CLCA2: variants seen among roughly 807,000 people sequenced by gnomAD.
The protein encoded by CLCA2 is calcium-activated chloride channel regulator 2.
Under a neutral mutation model 82.9 loss-of-function variants are expected in CLCA2, and 85 were observed. That is an observed-to-expected ratio of 1.03 (90% CI 0.86 to 1.23). CLCA2 has a LOEUF of 1.23. Ranked by LOEUF, CLCA2 falls within the 50% of genes most tolerant of loss-of-function variation. The pLI is 0.00. For missense variants in CLCA2, 1,089 were observed against 1,124.8 expected (o/e 0.97, Z 0.45); for synonymous variants, 421 against 391.7 (o/e 1.07, Z -0.88).
intron 5 of CLCA2, among the ~76,000 whole-genome samples, chr1:86,433,013 C>G (rs188242790): frequency 2.0e-5 from 3 of 152,300 alleles, no homozygotes; most frequent in South Asian, 4.1e-4. Flanking sequence ...TGTCAATATT[C>G]CATGCTAACT....
At chr1:86,434,424 C>CA in intron 5 of CLCA2, 94 bp from the exon 6 acceptor site, 1 of 971,656 alleles carries the variant, frequency 1.0e-6, no homozygotes, top group Non-Finnish European at 1.5e-6. Flanking sequence ...TCTTTCAGTT[C>CA]ACCTTTTCTT....
At chr1:86,453,345 C>CTTTTTTTTT (rs527665018) in intron 12 of CLCA2, 24 bp from the exon 13 acceptor site, 5 of 1,542,680 alleles carry the variant, frequency 3.2e-6, no homozygotes, top group Non-Finnish European at 3.6e-6. Context: ...GTCATTTTGC[C>CTTTTTTTTT]TTTTTTTTTC....
intron 2 of CLCA2, among the ~76,000 whole-genome samples, chr1:86,428,160 T>C (rs1002692795): frequency 1.3e-5 from 2 of 152,328 alleles, no homozygotes; most frequent in Middle Eastern, 3.4e-3. Flanking sequence ...TTAGGTTCCA[T>C]AAAAATTTGC....
chr1:86,443,790 G>A lies in CLCA2; in HGVS notation c.1492G>A (p.Glu498Lys). 1 of 1,612,516 alleles carries A rather than the reference G, an allele frequency of 6.2e-7. No individual in the cohort carries two copies. Among genetic ancestry groups the A allele is most frequent in the Admixed American group, 1.7e-5 (1 of 59,950 alleles). The part of the protein sequence containing the change: ...GDIFQQHIQL[E>K]STGENVKPHH... The stretch of plus-strand genomic sequence containing the variant: ...ATATATATCTTCTCTTTAACAGCTT[G>A]AAAGTACAGGTGAAAATGTCAAACC... Residue 498 changes from glutamate to lysine, a missense_variant, in exon 10 of 14, where the codon GAA becomes AAA. By Grantham distance (56) the Glu-to-Lys change is moderately conservative. Coordinates refer to ENST00000370565, the MANE Select transcript of CLCA2 (RefSeq NM_006536.7).
chr1:86,440,713 C>T (rs1349569883), intron 8 of CLCA2, among the ~76,000 whole-genome samples: 1 of 151,974 alleles, frequency 6.6e-6, no homozygotes, highest in Non-Finnish European at 1.5e-5. Context: ...CCAGCCTGGC[C>T]AACATGGTAA....
chr1:86,425,138 T>C (rs1662362523), intron 1 of CLCA2, among the ~76,000 whole-genome samples: 2 of 152,314 alleles, frequency 1.3e-5, no homozygotes, highest in Non-Finnish European at 2.9e-5. Flanking sequence ...ATAATTAGTG[T>C]CCTAAAATCT....
intron 3 of CLCA2, 35 bp downstream of exon 3, chr1:86,428,603 A>T: frequency 2.5e-6 from 4 of 1,600,984 alleles, no homozygotes; most frequent in Non-Finnish European, 3.4e-6. Context: ...GCCATTGGAC[A>T]ATACTACTTA....
At chr1:86,433,166 A>G (rs1931360) in intron 5 of CLCA2, among the ~76,000 whole-genome samples, 42,692 of 152,156 alleles carry the variant, frequency 0.28, 6,550 homozygotes, top group Non-Finnish European at 0.34. Context: ...GGAACAGCCA[A>G]TTCTCACCAG....
At position 86,456,280 on chromosome 1, in the gene CLCA2, G is replaced by T. The variant is rs1416907268; in HGVS notation, c.*753G>T. On this transcript the variant is annotated 3_prime_UTR_variant, in exon 14 of 14. Transcript: ENST00000370565. ...GAAGAAAAGATGTTATTCTGAGTTT[G>T]TTTTAATACATATATGAACATATAG... 6.6e-6 allele frequency: 1 copy of T among 152,168 alleles called. No individual in the cohort carries two copies. Among genetic ancestry groups the T allele is most frequent in the Non-Finnish European group, 1.5e-5 (1 of 68,024 alleles). 9.4% of individuals were successfully genotyped at this position (152,168 alleles called of 1,614,324 possible). A position where few individuals can be genotyped will look rare whatever the true frequency, so the allele number is the denominator to read the frequency against.
chr1:86,424,293 G>A lies in CLCA2; in HGVS notation c.46G>A (p.Val16Met). The change falls in exon 1 of 14, where the codon GTG becomes ATG. Residue 16 changes from valine (V) to methionine (M), a missense_variant. Val to Met is a conservative substitution (Grantham distance 21, BLOSUM62 1). Transcript: ENST00000370565. ...IAGPICNLKF[V>M]TLLVALSSEL... ...AGGTCCTATTTGCAACCTGAAGTTT[G>A]TGACTCTCCTGGTTGCCTTAAGTTC... 1 of 1,613,874 alleles carries A rather than the reference G, an allele frequency of 6.2e-7. No individual in the cohort carries two copies.
In CLCA2 at chr1:86,439,086, G is replaced by C. The variant is rs1182016186; in HGVS notation, c.1183G>C (p.Gly395Arg). The C allele has an allele frequency of 1.2e-6, 2 of 1,614,014 alleles. No homozygotes were observed. Among genetic ancestry groups the C allele is most frequent in the Non-Finnish European group, 1.7e-6 (2 of 1,179,946 alleles). The change falls in exon 7 of 14, where the codon GGG (glycine) becomes CGG (arginine). Residue 395 changes from glycine to arginine, a missense_variant. Transcript: ENST00000370565. ...SAKTDISICS[G>R]LKKGFEVVEK... ...TAAAACAGACATCAGCATTTGTTCA[G>C]GGCTTAAGAAAGGATTTGAGGTACA...
At chr1:86,425,857 A>G (rs1662376027) in intron 2 of CLCA2, among the ~76,000 whole-genome samples, 1 of 152,198 alleles carries the variant, frequency 6.6e-6, no homozygotes, top group Non-Finnish European at 1.5e-5. Flanking sequence ...ATAAACATGC[A>G]TGTCCAGACA....
intron 7 of CLCA2, 59 bp from the exon 8 acceptor site, chr1:86,440,089 T>C: frequency 1.3e-6 from 2 of 1,543,448 alleles, no homozygotes; most frequent in Admixed American, 1.7e-5. Flanking sequence ...TGAATTCTTT[T>C]GCTCAATAAA....
At position 86,425,435 on chromosome 1, in the gene CLCA2, G is replaced by A. The variant is rs1479542832; in HGVS notation, c.283G>A (p.Ala95Thr). The A allele has an allele frequency of 1.9e-6, 3 of 1,563,406 alleles. No homozygotes were observed. Among genetic ancestry groups the A allele is most frequent in the Non-Finnish European group, 1.7e-6 (2 of 1,153,590 alleles). The change falls in exon 2 of 14, where the codon GCT becomes ACT. Residue 95 changes from alanine (A) to threonine (T), a missense_variant. Coordinates refer to ENST00000370565, the MANE Select transcript of CLCA2 (RefSeq NM_006536.7). ...IKILIPATWK[A>T]NNNSKIKQES... The stretch of plus-strand genomic sequence containing the variant: ...GATTTTAATACCTGCCACATGGAAA[G>A]CTAATAATAACAGCAAAATAAAACA...
chr1:86,434,007 G>GA (rs79512616), intron 5 of CLCA2, among the ~76,000 whole-genome samples: 6,743 of 151,174 alleles, frequency 0.045, 208 homozygotes, highest in East Asian at 0.1. Context: ...AGTGGGGGTG[G>GA]GGGATCAGGA....
chr1:86,439,165 T>G (rs1341790672), intron 7 of CLCA2, 59 bp downstream of exon 7: 2 of 1,521,808 alleles, frequency 1.3e-6, no homozygotes, highest in African/African-American at 2.7e-5. Flanking sequence ...TCTTTTAGTA[T>G]ACGAGGTTTC....
rs778738571 is a variant in CLCA2 at position 86,450,663 on chromosome 1, C to G, written c.2085C>G (p.Pro695=). 10 of 1,613,570 alleles carry G rather than the reference C, an allele frequency of 6.2e-6. No homozygotes were observed. Among genetic ancestry groups the G allele is most frequent in the Non-Finnish European group, 7.6e-6 (9 of 1,179,762 alleles). ...TGAAAGTGCATGTCAATCACTCTCC[C>G]AGCATAAGCACCCCAGCCCACTCTA... is the stretch of plus-strand genomic sequence containing the variant. ...YSLKVHVNHS[P]SISTPAHSIP... Residue 695 remains proline (P), a synonymous_variant, in exon 12 of 14, where the codon CCC becomes CCG. Coordinates refer to ENST00000370565, the MANE Select transcript of CLCA2 (RefSeq NM_006536.7).
intron 11 of CLCA2, 107 bp from the exon 12 acceptor site, chr1:86,450,456 T>C: frequency 1.3e-6 from 1 of 783,070 alleles, no homozygotes; most frequent in Non-Finnish European, 1.9e-6. Context: ...CATGATAATA[T>C]ATCTTATATA....
intron 12 of CLCA2, among the ~76,000 whole-genome samples, chr1:86,452,593 C>T (rs1374596042): frequency 6.6e-6 from 1 of 152,118 alleles, no homozygotes; most frequent in Non-Finnish European, 1.5e-5. Context: ...CTTGAAACCT[C>T]TTTTTCACCT....
Sources: allele counts gnomAD v4.1 joint callset (sites outside exome capture counted in the v4.1 genomes callset), GRCh38; gene constraint gnomAD v4.1.1; transcripts MANE v1.5; gene names NCBI Gene and HGNC (gene_info 2026-07-23, HGNC 2026-07-21).